Variants in GRIA1 observed in about 807,000 individuals in gnomAD.
GRIA1 encodes glutamate ionotropic receptor AMPA type subunit 1, also known as glutamate receptor 1.
In GRIA1, 31 loss-of-function variants were observed where a neutral mutation model predicts 99.2. The ratio of observed to expected loss-of-function variants is 0.31; its 90% CI spans 0.23 to 0.42. The LOEUF is 0.42. Ranked by LOEUF, GRIA1 falls within the 10% of genes least tolerant of loss-of-function variation. GRIA1 has a pLI of 1.00. For missense variants in GRIA1, 782 were observed against 1,157.5 expected, an observed-to-expected ratio of 0.68 and a Z score of 4.71; for synonymous variants, 438 against 432.4, an observed-to-expected ratio of 1.01 and a Z score of -0.16.
At chr5:153,491,080 C>T in intron 1 of GRIA1, 110 bp downstream of exon 1, 2 of 1,167,300 alleles carry the variant, frequency 1.7e-6, no homozygotes, top group East Asian at 2.3e-5. Flanking sequence ...GCTTGGCTCC[C>T]TAAAGCTGTG....
At chr5:153,586,567 T>C (rs1402595614) in intron 2 of GRIA1, among the ~76,000 whole-genome samples, 1 of 152,096 alleles carries the variant, frequency 6.6e-6, no homozygotes, top group Admixed American at 6.6e-5. Flanking sequence ...AGAGAAGAAA[T>C]AGACACTTGA....
intron 11 of GRIA1, among the ~76,000 whole-genome samples, chr5:153,740,320 G>A (rs1411086792): frequency 6.6e-6 from 1 of 152,206 alleles, no homozygotes; most frequent in Non-Finnish European, 1.5e-5. Context: ...TGAGATAAGG[G>A]AGACAGGTGT....
At chr5:153,506,849 A>C (rs1755554875) in intron 2 of GRIA1, among the ~76,000 whole-genome samples, 1 of 152,152 alleles carries the variant, frequency 6.6e-6, no homozygotes, top group Non-Finnish European at 1.5e-5. Flanking sequence ...ATGGTTGGAC[A>C]TGGTGGCTCA....
intron 2 of GRIA1, among the ~76,000 whole-genome samples, chr5:153,601,921 A>G (rs1003604243): frequency 7.2e-5 from 11 of 152,210 alleles, no homozygotes; most frequent in Admixed American, 4.6e-4. Flanking sequence ...TAGAAAGGAG[A>G]AGGAGGAACA....
chr5:153,594,088 T>C (rs1203933528), intron 2 of GRIA1, among the ~76,000 whole-genome samples: 1 of 152,260 alleles, frequency 6.6e-6, no homozygotes, highest in African/African-American at 2.4e-5. Flanking sequence ...AATGTTATTC[T>C]GCATGCTCCT....
At chr5:153,806,336 G>A (rs911625689) in intron 15 of GRIA1, among the ~76,000 whole-genome samples, 4 of 152,048 alleles carry the variant, frequency 2.6e-5, no homozygotes, top group Admixed American at 1.3e-4. Context: ...TGCAATCTCG[G>A]CTCACTGCAA....
chr5:153,633,147 T>A (rs1581371394), intron 2 of GRIA1, among the ~76,000 whole-genome samples: 2 of 152,038 alleles, frequency 1.3e-5, no homozygotes, highest in South Asian at 4.2e-4. Context: ...TGTGAGTGAG[T>A]GAGTTATGCA....
At chr5:153,528,561 A>C (rs567839655) in intron 2 of GRIA1, among the ~76,000 whole-genome samples, 1 of 152,276 alleles carries the variant, frequency 6.6e-6, no homozygotes, top group South Asian at 2.1e-4. Flanking sequence ...AAGAATTTGC[A>C]TTTCTACCAA....
At position 153,797,098 on chromosome 5, in the gene GRIA1, G is replaced by A. The variant is rs189448872; in HGVS notation, c.2385+2363G>A. Among the ~76,000 whole-genome samples the A allele has an allele frequency of 4.7e-4, 71 of 152,292 alleles. No individual in the cohort carries two copies. In the Middle Eastern group the frequency reaches 0.02, roughly 44 times the overall value. On this transcript the variant is annotated intron_variant, in intron 14 of 15. Coordinates refer to ENST00000285900, the MANE Select transcript of GRIA1 (RefSeq NM_000827.4). Reference sequence around the variant, plus strand: ...GCAATGTCAGAGGGACGTGAGTGGAGAAAGAAAGCCCTTGAGACCAAGAGA... The same window carrying A: ...GCAATGTCAGAGGGACGTGAGTGGAAAAAGAAAGCCCTTGAGACCAAGAGA...
At chr5:153,500,362 C>A (rs890085623) in intron 2 of GRIA1, among the ~76,000 whole-genome samples, 1 of 152,160 alleles carries the variant, frequency 6.6e-6, no homozygotes, top group African/African-American at 2.4e-5. Flanking sequence ...CCTTTGTAGA[C>A]AGCATTAGTT....
intron 11 of GRIA1, 65 bp downstream of exon 11, chr5:153,706,132 G>GTTTGTTTGTTTGT: frequency 3.4e-6 from 5 of 1,477,348 alleles, no homozygotes; most frequent in Non-Finnish European, 4.7e-6. Context: ...TTGTTTGTTT[G>GTTTGTTTGTTTGT]TTTTTTAAAT....
chr5:153,662,213 G>T (rs756398998), intron 5 of GRIA1, among the ~76,000 whole-genome samples: 3 of 152,204 alleles, frequency 2.0e-5, no homozygotes, highest in African/African-American at 4.8e-5. Context: ...CCTTCTCTCA[G>T]GATGTGGTTC....
At chr5:153,745,831 T>C (rs371252186) in intron 11 of GRIA1, among the ~76,000 whole-genome samples, 21 of 152,174 alleles carry the variant, frequency 1.4e-4, no homozygotes, top group African/African-American at 4.8e-4. Flanking sequence ...TATAGTGTAT[T>C]CTGTTTTACA....
intron 11 of GRIA1, among the ~76,000 whole-genome samples, chr5:153,717,022 TGAG>T (rs751249556): frequency 1.5e-3 from 230 of 152,174 alleles, no homozygotes; most frequent in African/African-American, 3.1e-3. Flanking sequence ...AAGCGGCTGT[TGAG>T]GAGGATGAAC....
rs576859231 is a variant in GRIA1, at chr5:153,505,497, T to C, written c.220+11432T>C. On this transcript the variant is annotated intron_variant, in intron 2 of 15. Transcript: ENST00000285900. ...GAGCCTGCTCGTCTCATAGGAAAGG[T>C]AAATACAGTAAGTAGAAGTGTCCCA... 1.6e-3 allele frequency among the ~76,000 whole-genome samples: 247 copies of C among 152,258 alleles called. 1 individual carries two copies. Among genetic ancestry groups the C allele is most frequent in the Middle Eastern group, 3.4e-3 (1 of 294 alleles).
At chr5:153,766,077 T>C (rs1763500573) in intron 12 of GRIA1, among the ~76,000 whole-genome samples, 1 of 152,198 alleles carries the variant, frequency 6.6e-6, no homozygotes, top group Non-Finnish European at 1.5e-5. Context: ...TTCTTGACCA[T>C]GGGCTTTGTA....
intron 13 of GRIA1, among the ~76,000 whole-genome samples, chr5:153,775,018 T>G (rs943265642): frequency 6.6e-6 from 1 of 152,204 alleles, no homozygotes; most frequent in Non-Finnish European, 1.5e-5. Context: ...GGGGCTGTTA[T>G]GTTTCACAAG....
intron 7 of GRIA1, among the ~76,000 whole-genome samples, chr5:153,679,744 C>T (rs1313830081): frequency 6.6e-6 from 1 of 152,238 alleles, no homozygotes; most frequent in Non-Finnish European, 1.5e-5. Flanking sequence ...CAGGTCTCTA[C>T]TGCCTTCACC....
chr5:153,671,742 A>G (rs552988184), intron 5 of GRIA1, among the ~76,000 whole-genome samples: 2 of 152,326 alleles, frequency 1.3e-5, no homozygotes, highest in South Asian at 2.1e-4. Context: ...CAACAAATAT[A>G]TACTGTGCAC....
Sources: gnomAD v4.1 joint callset for allele counts (sites outside exome capture counted in the v4.1 genomes callset) on GRCh38, gnomAD v4.1.1 for gene constraint, MANE v1.5 for transcripts, NCBI Gene and HGNC (gene_info 2026-07-23, HGNC 2026-07-21) for gene names.